The following SMG1 variants were observed in gnomAD, a reference collection of about 807,000 sequenced individuals.
The protein encoded by SMG1 is SMG1 nonsense mediated mRNA decay associated PI3K related kinase, also known as serine/threonine-protein kinase SMG1.
SMG1 carries 22 observed loss-of-function variants against 419.9 expected under a neutral mutation model. The ratio of observed to expected loss-of-function variants is 0.05; its 90% CI spans 0.04 to 0.07. SMG1 has a LOEUF of 0.07. SMG1 is among the 10% of genes least tolerant of loss of function. SMG1 has a pLI of 1.00. For synonymous variants in SMG1, 1,538 were observed against 1,553.5 expected, an observed-to-expected ratio of 0.99 and a Z score of 0.23; for missense variants, 3,185 against 4,342.0, an observed-to-expected ratio of 0.73 and a Z score of 7.49.
Position 18,914,166 on chromosome 16 carries a change from C to CAA in SMG1, c.92+11782_92+11783dup, listed in dbSNP as rs34200283. Among the ~76,000 whole-genome samples the CAA allele has an allele frequency of 1.6e-3, 178 of 108,572 alleles. 3 individuals are homozygous for CAA. Among genetic ancestry groups the CAA allele is most frequent in the Middle Eastern group, 9.5e-3 (2 of 210 alleles). 71.2% of individuals were successfully genotyped at this position (108,572 alleles called of 152,430 possible). On this transcript the variant is annotated intron_variant, in intron 1 of 62. Coordinates refer to ENST00000446231, the MANE Select transcript of SMG1 (RefSeq NM_015092.5). ...GGGCAACAAGAGCAAAACTCCATCT[C>CAA]AAAAAAAAAAAAGCAACAAGTCCCT...
At position 18,897,053 on chromosome 16, in the gene SMG1, A is replaced by G. The variant is rs2037160506; in HGVS notation, c.93-97T>C. ...CTTCTCCCAAATTTTACATTTAACC[A>G]TTACTATTTAGTGTAATATGTACTA... On this transcript the variant is annotated intron_variant, in intron 1 of 62. Coordinates refer to ENST00000446231, the MANE Select transcript of SMG1 (RefSeq NM_015092.5). The G allele has an allele frequency of 3.6e-6, 3 of 830,522 alleles. No homozygotes were observed. In the Admixed American group the frequency reaches 8.1e-5, roughly 23 times the overall value. 51.4% of individuals were successfully genotyped at this position (830,522 alleles called of 1,614,324 possible).
At chr16:18,827,216 C>T (rs1014223738) in intron 55 of SMG1, among the ~76,000 whole-genome samples, 1 of 151,984 alleles carries the variant, frequency 6.6e-6, no homozygotes, top group African/African-American at 2.4e-5. Context: ...CACCTGAGGT[C>T]AGGAGTTTGA....
At chr16:18,853,429 T>C (rs1328474329) in intron 31 of SMG1, among the ~76,000 whole-genome samples, 154 bp downstream of exon 31, 1 of 152,222 alleles carries the variant, frequency 6.6e-6, no homozygotes, top group Non-Finnish European at 1.5e-5. Context: ...CGATCCTAAA[T>C]ATGTTTTAGT....
In SMG1 at chr16:18,841,683, T is replaced by C. The variant is rs1183348110; in HGVS notation, c.6578A>G (p.Tyr2193Cys). Residue 2193 changes from tyrosine to cysteine, a missense_variant, in exon 41 of 63, where the codon TAT becomes TGT. Tyr to Cys is a radical substitution (Grantham distance 194, BLOSUM62 -2). Around this residue, in one of 27 missense-constraint regions of SMG1, gnomAD observed 3 missense variants for 16.9 expected, o/e 0.18. Transcript: ENST00000446231. ...TCTTGTTCCTAGTGGTGTTACAGAA[T>C]AGTGTCGAGCATGGAACCGGGGTGT... is the stretch of plus-strand genomic sequence containing the variant. ...QETPRFHARHYSVTPLGTRSG... is the reference protein window; with the variant it reads ...QETPRFHARHCSVTPLGTRSG... 1 of 1,613,870 alleles carries C rather than the reference T, an allele frequency of 6.2e-7. No homozygotes were observed. Among genetic ancestry groups the C allele is most frequent in the African/African-American group, 1.3e-5 (1 of 74,912 alleles).
intron 1 of SMG1, among the ~76,000 whole-genome samples, chr16:18,919,634 ATGTGTG>A (rs377359517): frequency 1.3e-4 from 16 of 124,666 alleles, no homozygotes; most frequent in South Asian, 1.1e-3. Flanking sequence ...AAAAAAAAAA[ATGTGTG>A]TGTGTGTGTG....
rs377075679 is a variant in SMG1, at chr16:18,833,178, T to C, written c.8566-12A>G. On this transcript the variant is annotated splice_polypyrimidine_tract_variant and intron_variant, in intron 50 of 62. Transcript: ENST00000446231. ...TTCGAATTCAATTCCTATAAATATATGAGAAAAAAACTTTTAATGTTTTTT... is the reference window on the plus strand; with the variant it reads ...TTCGAATTCAATTCCTATAAATATACGAGAAAAAAACTTTTAATGTTTTTT... 6 of 1,607,182 alleles carry C rather than the reference T, an allele frequency of 3.7e-6. No individual in the cohort carries two copies. The African/African-American group carries it at 6.7e-5, about 18-fold the overall frequency.
Position 18,809,331 on chromosome 16 carries a change from G to A in SMG1, c.*238C>T. The A allele has an allele frequency of 1.9e-6, 1 of 513,618 alleles. No homozygotes were observed. The highest frequency in any genetic ancestry group is 2.7e-5 in the South Asian group (1 of 36,400). The allele number at this position is 513,618 out of a possible 1,614,324, so 31.8% of individuals were successfully genotyped here. The stretch of plus-strand genomic sequence containing the variant: ...AAGACAATCTCCGTGTTCAGGCGGT[G>A]AGCTTGCTTTCCTTCACCCTTGACC... On this transcript the variant is annotated 3_prime_UTR_variant, in exon 63 of 63. Transcript: ENST00000446231.
intron 50 of SMG1, 92 bp from the exon 51 acceptor site, chr16:18,833,258 T>G: frequency 1.2e-6 from 1 of 837,330 alleles, no homozygotes; most frequent in Non-Finnish European, 1.9e-6. Context: ...AAGAGCAAAC[T>G]TATGTAACTA....
intron 62 of SMG1, among the ~76,000 whole-genome samples, chr16:18,809,967 A>G (rs558033469): frequency 2.6e-5 from 4 of 152,196 alleles, no homozygotes; most frequent in South Asian, 4.1e-4. Flanking sequence ...CAAACTTGAC[A>G]AAACGGTTTC....
At chr16:18,850,911 G>A (rs1567366779) in intron 33 of SMG1, among the ~76,000 whole-genome samples, 3 of 151,982 alleles carry the variant, frequency 2.0e-5, no homozygotes, top group Non-Finnish European at 2.9e-5. Context: ...CCACTACCAC[G>A]CCCTGCTGTT....
chr16:18,812,047 C>G lies in SMG1; in HGVS notation c.10702G>C (p.Ala3568Pro). ...NARKLIQKNLATSADTPPSTV... is the reference protein window; with the variant it reads ...NARKLIQKNLPTSADTPPSTV... ...CTTGGTGGAGTATCAGCTGATGTAG[C>G]AAGATTTTTTTGGATCAGCTTTCTA... The change falls in exon 61 of 63, where the codon GCT becomes CCT. Residue 3568 changes from alanine to proline, a missense_variant. Physicochemically the swap from Ala to Pro is conservative, Grantham distance 27 (BLOSUM62 -1). Around this residue, in one of 27 missense-constraint regions of SMG1, gnomAD observed 737 missense variants for 846.6 expected, o/e 0.87. Coordinates refer to ENST00000446231, the MANE Select transcript of SMG1 (RefSeq NM_015092.5). 2.5e-6 allele frequency: 4 copies of G among 1,613,904 alleles called. No individual in the cohort carries two copies. The highest frequency in any genetic ancestry group is 3.4e-6 in the Non-Finnish European group (4 of 1,179,860).
intron 48 of SMG1, 38 bp downstream of exon 48, chr16:18,835,895 T>G (rs1298688947): frequency 6.5e-7 from 1 of 1,537,316 alleles, no homozygotes; most frequent in East Asian, 2.5e-5. Flanking sequence ...CAAGACTCCG[T>G]CTCAAAAATA....
At chr16:18,891,315 C>A (rs1393568619) in intron 4 of SMG1, among the ~76,000 whole-genome samples, 1 of 152,162 alleles carries the variant, frequency 6.6e-6, no homozygotes, top group African/African-American at 2.4e-5. Flanking sequence ...ATTCTTTCAA[C>A]TTGCTATATA....
At position 18,877,242 on chromosome 16, in the gene SMG1, T is replaced by C. The variant is rs768339306; in HGVS notation, c.1519-10A>G. 3.3e-6 allele frequency: 5 copies of C among 1,497,002 alleles called. No individual in the cohort carries two copies. The highest frequency in any genetic ancestry group is 2.0e-5 in the Admixed American group (1 of 49,216). The allele number at this position is 1,497,002 out of a possible 1,614,324, so 92.7% of individuals were successfully genotyped here. ...TTATCTGTTCAACAATCTAAAAGAA[T>C]AAAATTTTTAAAAAATGAGCTTCTC... On this transcript the variant is annotated splice_polypyrimidine_tract_variant and intron_variant, in intron 11 of 62. Coordinates refer to ENST00000446231, the MANE Select transcript of SMG1 (RefSeq NM_015092.5).
Position 18,841,735 on chromosome 16 carries a change from T to C in SMG1, c.6526A>G (p.Met2176Val). Residue 2176 changes from methionine (M) to valine (V), a missense_variant, in exon 41 of 63, where the codon ATG (methionine) becomes GTG (valine). Physicochemically the swap from Met to Val is conservative, Grantham distance 21. This residue lies in a region of SMG1 where 35 missense variants were observed against 33.8 expected (regional missense o/e 1.04). Transcript: ENST00000446231. ...IMQFLSIVNT[M>V]FATINRQETP... Reference sequence around the variant, plus strand: ...TCTTGGCGATTAATTGTAGCAAACATGGTATTCACAATAGATAGGAACTGC... The same window carrying C: ...TCTTGGCGATTAATTGTAGCAAACACGGTATTCACAATAGATAGGAACTGC... 6.2e-7 allele frequency: 1 copy of C among 1,613,978 alleles called. No individual in the cohort carries two copies. The highest frequency in any genetic ancestry group is 8.5e-7 in the Non-Finnish European group (1 of 1,179,882).
At chr16:18,842,484 T>A in intron 39 of SMG1, 30 bp from the exon 40 acceptor site, 1 of 1,598,540 alleles carries the variant, frequency 6.3e-7, no homozygotes, top group South Asian at 1.1e-5. Context: ...GAAACAAATT[T>A]ACATTACATT....
chr16:18,829,949 C>A lies in SMG1; in HGVS notation c.9110G>T (p.Gly3037Val). The stretch of plus-strand genomic sequence containing the variant: ...ACCTGACAATGTTTTAGAAAAGGTA[C>A]CACAGAGCCTGAAGAACTCCTTAAT... ...QTIKEFFRLC[G>V]TFSKTLSGSS... Residue 3037 changes from glycine (G) to valine (V), a missense_variant, in exon 53 of 63, where the codon GGT (glycine) becomes GTT (valine). Around this residue, in one of 27 missense-constraint regions of SMG1, gnomAD observed 737 missense variants for 846.6 expected, o/e 0.87. Coordinates refer to ENST00000446231, the MANE Select transcript of SMG1 (RefSeq NM_015092.5). The A allele has an allele frequency of 6.4e-7, 1 of 1,565,516 alleles. No individual in the cohort carries two copies.
chr16:18,820,688 G>C (rs1039352328), intron 55 of SMG1, among the ~76,000 whole-genome samples: 1 of 152,114 alleles, frequency 6.6e-6, no homozygotes, highest in African/African-American at 2.4e-5. Context: ...GTTCATTCTT[G>C]TAAGTTGAAA....
At chr16:18,892,640 G>A (rs1238248735) in intron 3 of SMG1, among the ~76,000 whole-genome samples, 1 of 152,068 alleles carries the variant, frequency 6.6e-6, no homozygotes, top group African/African-American at 2.4e-5. Flanking sequence ...GGCTGAGGCA[G>A]GAGAATCACT....
Sources: allele counts gnomAD v4.1 joint callset (sites outside exome capture counted in the v4.1 genomes callset), GRCh38; gene constraint gnomAD v4.1.1; regional missense constraint gnomAD v4.1.1; transcripts MANE v1.5; gene names NCBI Gene and HGNC (gene_info 2026-07-23, HGNC 2026-07-21).